CLNK: variants seen among roughly 807,000 people sequenced by gnomAD.
CLNK encodes cytokine-dependent hematopoietic cell linker.
CLNK carries 74 observed loss-of-function variants against 68.6 expected under a neutral mutation model. The observed-to-expected ratio is 1.08, with a 90% CI of 0.89 to 1.31. The LOEUF (loss-of-function observed/expected upper bound fraction) is 1.31. CLNK is among the 50% of genes most tolerant of loss of function. CLNK has a pLI of 0.00. For synonymous variants in CLNK, 198 were observed against 172.2 expected (o/e 1.15, Z -1.17); for missense variants, 553 against 515.3 (o/e 1.07, Z -0.71).
intron 4 of CLNK, among the ~76,000 whole-genome samples, chr4:10,573,832 T>G (rs189841304): frequency 6.4e-4 from 98 of 152,248 alleles, no homozygotes; most frequent in African/African-American, 2.3e-3. Context: ...CTTCTGTGTC[T>G]GTGGGTACAG....
chr4:10,493,885 C>T (rs55996651), intron 18 of CLNK, among the ~76,000 whole-genome samples: 4 of 152,244 alleles, frequency 2.6e-5, no homozygotes, highest in Non-Finnish European at 5.9e-5. Context: ...GTGATGGTAA[C>T]GATAGGACCT....
chr4:10,730,622 G>A, the CLNK span, among the ~76,000 whole-genome samples: 2 of 152,038 alleles, frequency 1.3e-5, no homozygotes, highest in African/African-American at 4.8e-5. Flanking sequence ...TGAAATACAT[G>A]TTCCCAATCT....
intron 3 of CLNK, among the ~76,000 whole-genome samples, chr4:10,588,237 G>A (rs1012451388): frequency 5.9e-5 from 9 of 152,206 alleles, no homozygotes; most frequent in African/African-American, 1.4e-4. Context: ...AAGGCAAACC[G>A]TTCCTGAGAT....
chr4:10,699,293 C>CACACACCACATACGTGTGTGTAT, the CLNK span, among the ~76,000 whole-genome samples: 1 of 15,662 alleles, frequency 6.4e-5, no homozygotes, highest in African/African-American at 1.8e-4. Flanking sequence ...TACGTGTATA[C>CACACACCACATACGTGTGTGTAT]ACACACACAC....
At chr4:10,610,808 A>G (rs924537079) in intron 2 of CLNK, among the ~76,000 whole-genome samples, 2 of 109,720 alleles carry the variant, frequency 1.8e-5, no homozygotes, top group Non-Finnish European at 4.1e-5. Flanking sequence ...ACACACACAC[A>G]CACACACACA....
At chr4:10,682,015 G>A (rs994788194) in intron 1 of CLNK, among the ~76,000 whole-genome samples, 3 of 152,066 alleles carry the variant, frequency 2.0e-5, no homozygotes, top group Admixed American at 6.6e-5. Flanking sequence ...AAATTAAGCA[G>A]AATAATCACA....
At position 10,668,776 on chromosome 4, in the gene CLNK, G is replaced by A. The variant is rs574337442; in HGVS notation, c.-42-865C>T. Among the ~76,000 whole-genome samples, 19 of 152,254 alleles carry A rather than the reference G, an allele frequency of 1.2e-4. No homozygotes were observed. The South Asian group carries it at 3.9e-3, about 32-fold the overall frequency. Reference sequence around the variant, plus strand: ...GCTGTGGCTTTCAGTTGTGGGACCTGCAGGGAGGGAGCTGTGTTGGGTGGA... The same window carrying A: ...GCTGTGGCTTTCAGTTGTGGGACCTACAGGGAGGGAGCTGTGTTGGGTGGA... On this transcript the variant is annotated intron_variant, in intron 1 of 18. Coordinates refer to ENST00000226951, the MANE Select transcript of CLNK (RefSeq NM_052964.4).
intron 4 of CLNK, among the ~76,000 whole-genome samples, chr4:10,580,037 T>C (rs984114371): frequency 4.6e-5 from 7 of 152,202 alleles, no homozygotes; most frequent in African/African-American, 1.7e-4. Flanking sequence ...AGCTGTTTTC[T>C]TCTTCCTTCC....
At chr4:10,672,820 C>A (rs1724704588) in intron 1 of CLNK, among the ~76,000 whole-genome samples, 1 of 152,122 alleles carries the variant, frequency 6.6e-6, no homozygotes, top group Non-Finnish European at 1.5e-5. Context: ...CTCCATCTAC[C>A]CAGCACCACT....
At chr4:10,695,035 T>C in the CLNK span, among the ~76,000 whole-genome samples, 1 of 152,052 alleles carries the variant, frequency 6.6e-6, no homozygotes, top group South Asian at 2.1e-4. Context: ...CTGGCAGGGA[T>C]GGAGGAGTGG....
intron 2 of CLNK, among the ~76,000 whole-genome samples, chr4:10,655,960 T>A (rs1011740467): frequency 6.6e-6 from 1 of 152,112 alleles, no homozygotes; most frequent in African/African-American, 2.4e-5. Context: ...ATAGCATTTT[T>A]AATATATAGA....
chr4:10,662,407 T>C (rs1283647372), intron 2 of CLNK, among the ~76,000 whole-genome samples: 1 of 152,202 alleles, frequency 6.6e-6, no homozygotes, highest in South Asian at 2.1e-4. Flanking sequence ...TGGAACAACC[T>C]CTGGTTATTA....
chr4:10,542,974 C>T (rs1020041437), intron 8 of CLNK, among the ~76,000 whole-genome samples: 1 of 152,148 alleles, frequency 6.6e-6, no homozygotes, highest in Non-Finnish European at 1.5e-5. Context: ...CGAGCTTCTA[C>T]TCTGAGCTAA....
At chr4:10,566,217 G>T in intron 5 of CLNK, 67 bp from the exon 6 acceptor site, 2 of 1,513,584 alleles carry the variant, frequency 1.3e-6, no homozygotes, top group African/African-American at 1.4e-5. Flanking sequence ...AGGCTACAGT[G>T]CTGGCTAGAG....
intron 2 of CLNK, among the ~76,000 whole-genome samples, chr4:10,611,553 G>A (rs1006855046): frequency 5.3e-5 from 8 of 152,030 alleles, no homozygotes; most frequent in African/African-American, 1.9e-4. Context: ...AAGCTGGGAG[G>A]GGCCTCCCGT....
chr4:10,552,728 T>C (rs757536321), intron 8 of CLNK, among the ~76,000 whole-genome samples: 3 of 152,122 alleles, frequency 2.0e-5, no homozygotes, highest in Non-Finnish European at 4.4e-5. Context: ...AATGAGACGA[T>C]TTGTGTATGA....
intron 2 of CLNK, among the ~76,000 whole-genome samples, chr4:10,631,481 G>A (rs1722887773): frequency 6.6e-6 from 1 of 152,172 alleles, no homozygotes; most frequent in Non-Finnish European, 1.5e-5. Context: ...GCAGCTGTAA[G>A]TTTTGCAGAT....
the CLNK span, among the ~76,000 whole-genome samples, chr4:10,717,621 A>G: frequency 2.0e-5 from 3 of 151,834 alleles, no homozygotes; most frequent in Non-Finnish European, 4.4e-5. Context: ...TGTATGAGGC[A>G]CTCCCACCCC....
At chr4:10,564,623 G>A in intron 7 of CLNK, 48 bp downstream of exon 7, 1 of 1,327,650 alleles carries the variant, frequency 7.5e-7, no homozygotes. Flanking sequence ...TAGCTGGTTA[G>A]GAAGAGCCCT....
Sources: allele counts gnomAD v4.1 joint callset (sites outside exome capture counted in the v4.1 genomes callset), GRCh38; gene constraint gnomAD v4.1.1; transcripts MANE v1.5; gene names NCBI Gene and HGNC (gene_info 2026-07-23, HGNC 2026-07-21).